SMURF2: variants seen among roughly 807,000 people sequenced by gnomAD.
The protein encoded by SMURF2 is E3 ubiquitin-protein ligase SMURF2.
Under a neutral mutation model 109.6 loss-of-function variants are expected in SMURF2, and 48 were observed. That is an observed-to-expected ratio of 0.44 (90% CI 0.35 to 0.56). The LOEUF is 0.56. Ranked by LOEUF, SMURF2 falls within the 20% of genes least tolerant of loss-of-function variation. SMURF2 has a pLI of 0.01. For synonymous variants in SMURF2, 288 were observed against 317.1 expected, an observed-to-expected ratio of 0.91 and a Z score of 0.97; for missense variants, 575 against 909.0, an observed-to-expected ratio of 0.63 and a Z score of 4.72.
chr17:64,560,509 T>C (rs1447146604), intron 12 of SMURF2, among the ~76,000 whole-genome samples: 1 of 152,138 alleles, frequency 6.6e-6, no homozygotes, highest in Non-Finnish European at 1.5e-5. Context: ...TAATGGGAAT[T>C]ATTGAAAACA....
chr17:64,551,786 A>G, intron 15 of SMURF2, 82 bp from the exon 16 acceptor site: 1 of 1,532,252 alleles, frequency 6.5e-7, no homozygotes, highest in Admixed American at 1.7e-5. Context: ...TACTTTAGCA[A>G]CACCGCATCT....
chr17:64,629,337 T>C (rs1471031545), intron 1 of SMURF2, among the ~76,000 whole-genome samples: 1 of 152,000 alleles, frequency 6.6e-6, no homozygotes, highest in Non-Finnish European at 1.5e-5. Context: ...CCTGTCTCTA[T>C]AAAAAAAATT....
rs1968890712 is a variant in SMURF2 at position 64,542,655 on chromosome 17, A to C, written c.*3193T>G. 6.6e-6 allele frequency: 1 copy of C among 152,172 alleles called. No individual in the cohort carries two copies. Among genetic ancestry groups the C allele is most frequent in the Non-Finnish European group, 1.5e-5 (1 of 68,040 alleles). The allele number at this position is 152,172 out of a possible 1,614,324, so 9.4% of individuals were successfully genotyped here. A position where few individuals can be genotyped will look rare whatever the true frequency, so the allele number is the denominator to read the frequency against. ...AACAAGCAGAAGGAGCCACTCTCCC[A>C]AACTAAGGATGGTTGGAACAGCCTC... On this transcript the variant is annotated 3_prime_UTR_variant, in exon 19 of 19. Coordinates refer to ENST00000262435, the MANE Select transcript of SMURF2 (RefSeq NM_022739.4).
At chr17:64,655,102 A>C (rs1970688304) in intron 1 of SMURF2, among the ~76,000 whole-genome samples, 2 of 152,244 alleles carry the variant, frequency 1.3e-5, no homozygotes, top group Non-Finnish European at 2.9e-5. Context: ...AAACACAGGA[A>C]GAAAATTATA....
chr17:64,559,896 C>T (rs551184353), intron 12 of SMURF2, among the ~76,000 whole-genome samples: 68 of 151,526 alleles, frequency 4.5e-4, no homozygotes, highest in South Asian at 4.0e-3. Context: ...TACAGGTGTG[C>T]GCCACCATAC....
chr17:64,613,672 CAGTGTGTGTGTGTG>C (rs1970076043), intron 1 of SMURF2, among the ~76,000 whole-genome samples: 2 of 53,690 alleles, frequency 3.7e-5, no homozygotes, highest in African/African-American at 1.5e-4. Context: ...TTCCACGGAC[CAGTGTGTGTGTGTG>C]TGTGTGTGTG....
At position 64,587,277 on chromosome 17, in the gene SMURF2, T is replaced by C. The variant is rs1291867909; in HGVS notation, c.401-1107A>G. On this transcript the variant is annotated intron_variant, in intron 5 of 18. Coordinates refer to ENST00000262435, the MANE Select transcript of SMURF2 (RefSeq NM_022739.4). ...GAGCAATTCTTGGATTGATGGAGTT[T>C]TAACAGGACACCATTATCCAGTGTA... is the stretch of plus-strand genomic sequence containing the variant. 2.0e-5 allele frequency among the ~76,000 whole-genome samples: 3 copies of C among 152,198 alleles called. No individual in the cohort carries two copies. In the East Asian group the frequency reaches 5.8e-4, roughly 29 times the overall value.
intron 15 of SMURF2, among the ~76,000 whole-genome samples, chr17:64,554,022 T>C (rs1213540633): frequency 6.6e-6 from 1 of 152,246 alleles, no homozygotes; most frequent in African/African-American, 2.4e-5. Flanking sequence ...TAAGCCAAAT[T>C]AGCCCAATAC....
chr17:64,592,311 A>G (rs1437700900), intron 4 of SMURF2, among the ~76,000 whole-genome samples: 11 of 152,226 alleles, frequency 7.2e-5, no homozygotes, highest in South Asian at 2.1e-4. Flanking sequence ...TTTGCTGAGT[A>G]ATAAAACAGT....
chr17:64,630,427 A>G (rs1045070864), intron 1 of SMURF2, among the ~76,000 whole-genome samples: 17 of 152,312 alleles, frequency 1.1e-4, no homozygotes, highest in African/African-American at 3.6e-4. Context: ...AAATGCCACA[A>G]AAGAAAAAGA....
chr17:64,627,111 CTTTTTTTTTTTT>C (rs1204553792), intron 1 of SMURF2, among the ~76,000 whole-genome samples: 1 of 120,130 alleles, frequency 8.3e-6, no homozygotes, highest in Non-Finnish European at 1.7e-5. Context: ...AGTTTTTTTC[CTTTTTTTTTTTT>C]TTTTTTTTGA....
At chr17:64,648,037 A>ACAC (rs1970582134) in intron 1 of SMURF2, among the ~76,000 whole-genome samples, 1 of 135,568 alleles carries the variant, frequency 7.4e-6, no homozygotes. Context: ...AGCCTGGGCA[A>ACAC]CACAGTGAGA....
At chr17:64,555,058 TA>T (rs1969099885) in intron 14 of SMURF2, 65 bp from the exon 15 acceptor site, 1 of 1,432,666 alleles carries the variant, frequency 7.0e-7, no homozygotes, top group Non-Finnish European at 9.5e-7. Flanking sequence ...ATAGATGTAT[TA>T]ATTGGTGAGA....
intron 3 of SMURF2, among the ~76,000 whole-genome samples, chr17:64,595,849 A>C (rs1969809387): frequency 6.6e-6 from 1 of 152,226 alleles, no homozygotes; most frequent in Admixed American, 6.5e-5. Context: ...TTTTTAAAAG[A>C]AAATAACAGT....
chr17:64,631,295 A>AGAGAGAGAGG (rs1970342849), intron 1 of SMURF2, among the ~76,000 whole-genome samples: 1 of 87,304 alleles, frequency 1.1e-5, no homozygotes, highest in Non-Finnish European at 2.0e-5. Flanking sequence ...AGAGAGAGAG[A>AGAGAGAGAGG]GAGAGAGAGA....
chr17:64,661,032 A>G (rs1216068149), intron 1 of SMURF2, among the ~76,000 whole-genome samples: 1 of 152,128 alleles, frequency 6.6e-6, no homozygotes, highest in Non-Finnish European at 1.5e-5. Flanking sequence ...AGAGTAACAG[A>G]AAGTTTGCTC....
chr17:64,573,973 A>G (rs530562430), intron 9 of SMURF2, among the ~76,000 whole-genome samples: 1 of 152,298 alleles, frequency 6.6e-6, no homozygotes, highest in East Asian at 1.9e-4. Context: ...ACTATGGCCT[A>G]TCAGAGGGTG....
At chr17:64,606,091 C>T (rs1969967031) in intron 2 of SMURF2, among the ~76,000 whole-genome samples, 2 of 151,924 alleles carry the variant, frequency 1.3e-5, no homozygotes, top group East Asian at 1.9e-4. Flanking sequence ...AAATATAAGG[C>T]ATATATGGGA....
In SMURF2 at chr17:64,542,464, C is replaced by G. The variant is rs2144574538; in HGVS notation, c.*3384G>C. On this transcript the variant is annotated 3_prime_UTR_variant, in exon 19 of 19. Coordinates refer to ENST00000262435, the MANE Select transcript of SMURF2 (RefSeq NM_022739.4). Reference sequence around the variant, plus strand: ...AAGCTAAAACACTCTGTAATAAATACAAATACAATGAAAATGATAAAACTT... The same window carrying G: ...AAGCTAAAACACTCTGTAATAAATAGAAATACAATGAAAATGATAAAACTT... 6.6e-6 allele frequency: 1 copy of G among 152,074 alleles called. No homozygotes were observed. Among genetic ancestry groups the G allele is most frequent in the Middle Eastern group, 3.4e-3 (1 of 294 alleles). 9.4% of individuals were successfully genotyped at this position (152,074 alleles called of 1,614,324 possible).
Sources: gnomAD v4.1 joint callset for allele counts (sites outside exome capture counted in the v4.1 genomes callset) on GRCh38, gnomAD v4.1.1 for gene constraint, MANE v1.5 for transcripts, NCBI Gene and HGNC (gene_info 2026-07-23, HGNC 2026-07-21) for gene names.